Variants in ACOT1 observed in about 807,000 individuals in gnomAD.
ACOT1 encodes acyl-CoA thioesterase 1, also known as acyl-coenzyme A thioesterase 1.
ACOT1 carries 8 observed loss-of-function variants against 15.7 expected under a neutral mutation model. The ratio of observed to expected loss-of-function variants is 0.51; its 90% confidence interval spans 0.30 to 0.92. The LOEUF is 0.92. Ranked by LOEUF, ACOT1 falls within the 40% of genes least tolerant of loss-of-function variation. The pLI is 0.06. For synonymous variants in ACOT1, 67 were observed against 241.2 expected (o/e 0.28, Z 6.69); for missense variants, 151 against 539.4 (o/e 0.28, Z 7.13).
the ACOT1 span, chr14:73,522,168 G>A: frequency 1.7e-6 from 2 of 1,200,786 alleles, no homozygotes; most frequent in Middle Eastern, 2.9e-4. Flanking sequence ...ACATGAAGTT[G>A]ATGGGAGAGT....
At chr14:73,511,255 GTAATCCC>G in the ACOT1 span, among the ~76,000 whole-genome samples, 1 of 152,130 alleles carries the variant, frequency 6.6e-6, no homozygotes, top group Non-Finnish European at 1.5e-5. Context: ...GCTCATGCCT[GTAATCCC>G]AGCACTTTGG....
At chr14:73,513,728 CAAAAAAAAAAAAAAAA>C in the ACOT1 span, among the ~76,000 whole-genome samples, 491 of 46,794 alleles carry the variant, frequency 0.01, 12 homozygotes, top group Middle Eastern at 0.045. Flanking sequence ...ACTACGTCTC[CAAAAAAAAAAAAAAAA>C]AAAAAAAAAA....
chr14:73,524,309 AAATAT>A, the ACOT1 span, among the ~76,000 whole-genome samples: 33 of 99,720 alleles, frequency 3.3e-4, no homozygotes, highest in Non-Finnish European at 4.5e-4. Flanking sequence ...AAAAAAAAAA[AAATAT>A]ATATATATAT....
the ACOT1 span, among the ~76,000 whole-genome samples, chr14:73,494,808 A>C: frequency 1.3e-5 from 2 of 152,098 alleles, no homozygotes; most frequent in African/African-American, 4.8e-5. Context: ...TGATCCTCCC[A>C]CCATGGCCTC....
At chr14:73,511,150 TAGGTAATTTGAAGCTCAG>T in the ACOT1 span, among the ~76,000 whole-genome samples, 1 of 152,114 alleles carries the variant, frequency 6.6e-6, no homozygotes, top group African/African-American at 2.4e-5. Flanking sequence ...ATTTTATAGA[TAGGTAATTTGAAGCTCAG>T]AGAGGTTAGC....
At chr14:73,506,516 C>T in the ACOT1 span, 23 of 1,613,696 alleles carry the variant, frequency 1.4e-5, no homozygotes, top group African/African-American at 4.0e-5. Flanking sequence ...GGCCACAATC[C>T]GGTTCTTCCA....
At chr14:73,500,459 A>C in the ACOT1 span, 1 of 1,342,662 alleles carries the variant, frequency 7.4e-7, no homozygotes, top group South Asian at 1.4e-5. Flanking sequence ...CTGTGTCCCC[A>C]CAGAATGTTG....
chr14:73,495,350 TTG>T, the ACOT1 span: 2 of 1,614,056 alleles, frequency 1.2e-6, no homozygotes, highest in Non-Finnish European at 1.7e-6. Flanking sequence ...CTTGAGTATT[TTG>T]TGTGTCAGCA....
chr14:73,524,016 C>T, the ACOT1 span, among the ~76,000 whole-genome samples: 10 of 151,882 alleles, frequency 6.6e-5, no homozygotes, highest in East Asian at 7.7e-4. Flanking sequence ...GTAGGCCGGG[C>T]GCAGTGGCTC....
the ACOT1 span, chr14:73,522,251 T>C: frequency 6.2e-7 from 1 of 1,604,668 alleles, no homozygotes; most frequent in Non-Finnish European, 8.5e-7. Flanking sequence ...AAAGGTGCAC[T>C]TGAGGCCCTG....
chr14:73,501,491 G>T, the ACOT1 span, among the ~76,000 whole-genome samples: 2 of 151,058 alleles, frequency 1.3e-5, no homozygotes, highest in Non-Finnish European at 2.9e-5. Flanking sequence ...CTGACCTCAA[G>T]TGATTCTCCT....
chr14:73,505,836 T>C, the ACOT1 span, among the ~76,000 whole-genome samples: 1 of 152,022 alleles, frequency 6.6e-6, no homozygotes, highest in Non-Finnish European at 1.5e-5. Flanking sequence ...AAATATGTCA[T>C]TGACTGATAA....
chr14:73,491,938 T>A, the ACOT1 span: 1 of 1,613,790 alleles, frequency 6.2e-7, no homozygotes, highest in African/African-American at 1.3e-5. Context: ...TCTCTACTAC[T>A]GTGTGGCAGT....
At chr14:73,505,994 G>A in the ACOT1 span, among the ~76,000 whole-genome samples, 1 of 149,748 alleles carries the variant, frequency 6.7e-6, no homozygotes, top group African/African-American at 2.5e-5. Context: ...GGGTTCAAGC[G>A]ATTCTCCTGC....
the ACOT1 span, chr14:73,527,228 C>A: frequency 6.6e-6 from 1 of 151,974 alleles, no homozygotes; most frequent in East Asian, 1.9e-4. Flanking sequence ...AAATACCTAA[C>A]TCTTCAATGT....
At chr14:73,501,456 T>A in the ACOT1 span, among the ~76,000 whole-genome samples, 5 of 152,042 alleles carry the variant, frequency 3.3e-5, no homozygotes, top group Non-Finnish European at 1.5e-5. Context: ...GGTCTTGCTA[T>A]GTTGCCCAGG....
the ACOT1 span, chr14:73,491,248 C>G: frequency 1.9e-6 from 3 of 1,583,118 alleles, no homozygotes; most frequent in Non-Finnish European, 2.6e-6. Context: ...ACCTGGGGGA[C>G]GCGCTACCCG....
chr14:73,493,193 C>T, the ACOT1 span: 22 of 1,265,578 alleles, frequency 1.7e-5, no homozygotes, highest in Non-Finnish European at 2.5e-5. Flanking sequence ...CATTTCAGAG[C>T]ACCAACTTCA....
chr14:73,515,079 A>G, the ACOT1 span, among the ~76,000 whole-genome samples: 1 of 151,774 alleles, frequency 6.6e-6, no homozygotes, highest in Non-Finnish European at 1.5e-5. Flanking sequence ...AAAAAAAAAA[A>G]ACAAAAAAAA....
Sources: gnomAD v4.1 joint callset for allele counts (sites outside exome capture counted in the v4.1 genomes callset) on GRCh38, gnomAD v4.1.1 for gene constraint, MANE v1.5 for transcripts, NCBI Gene and HGNC (gene_info 2026-07-23, HGNC 2026-07-21) for gene names.